PLCG2: variants seen among roughly 807,000 people sequenced by gnomAD.
PLCG2 encodes 1-phosphatidylinositol 4,5-bisphosphate phosphodiesterase gamma-2.
PLCG2 carries 69 observed loss-of-function variants against 175.6 expected under a neutral mutation model. The observed-to-expected ratio is 0.39, with a 90% CI of 0.32 to 0.48. PLCG2 has a LOEUF of 0.48. PLCG2 is among the 20% of genes least tolerant of loss of function. PLCG2 has a pLI of 0.91. For missense variants in PLCG2, 1,798 were observed against 1,650.9 expected (o/e 1.09, Z -1.54); for synonymous variants, 827 against 624.0 (o/e 1.33, Z -4.85).
rs982446432 is a variant in PLCG2 at position 81,962,424 on chromosome 16, T to C, written c.*4426T>C. 1.3e-4 allele frequency: 27 copies of C among 213,992 alleles called. No individual in the cohort carries two copies. The highest frequency in any genetic ancestry group is 6.1e-4 in the African/African-American group (27 of 44,356). 13.3% of individuals were successfully genotyped at this position (213,992 alleles called of 1,614,324 possible). A position where few individuals can be genotyped will look rare whatever the true frequency, so the allele number is the denominator to read the frequency against. The stretch of plus-strand genomic sequence containing the variant: ...TGTCCCTGGTTTTTAATTTTCAAAA[T>C]ATTTTCTTTTTGAAGAGCCAGATTC... On this transcript the variant is annotated 3_prime_UTR_variant, in exon 33 of 33. Transcript: ENST00000564138.
chr16:81,936,319 AC>A lies in PLCG2; in HGVS notation c.2997del (p.Phe1000SerfsTer24), dbSNP rs1910711141. 6.2e-7 allele frequency: 1 copy of A among 1,613,714 alleles called. No homozygotes were observed. The highest frequency in any genetic ancestry group is 1.3e-5 in the African/African-American group (1 of 74,778). On this transcript the variant is annotated frameshift_variant, in exon 27 of 33. Coordinates refer to ENST00000564138, the MANE Select transcript of PLCG2 (RefSeq NM_002661.5). LOFTEE classifies it high-confidence loss of function. ...CAAAGAGTTGACTCTTCAAACTACG[AC>A]CCCTTCCGCCTCTGGCTGTGCGGTT... ...KGQRVDSSNY[D>X]PFRLWLCGSQ...
intron 13 of PLCG2, among the ~76,000 whole-genome samples, chr16:81,898,922 C>T (rs1012951937): frequency 4.6e-5 from 7 of 152,132 alleles, no homozygotes; most frequent in Admixed American, 2.0e-4. Flanking sequence ...CAGTGGCTCA[C>T]GCCTGTAATC....
At chr16:81,923,424 C>T in intron 21 of PLCG2, 61 bp from the exon 22 acceptor site, 3 of 1,018,778 alleles carry the variant, frequency 2.9e-6, no homozygotes, top group Non-Finnish European at 1.5e-6. Flanking sequence ...CCTGGGAACG[C>T]AGCCGCCTCC....
rs1908893194 is a variant in PLCG2 at position 81,896,418 on chromosome 16, ACACACAC to A, written c.1193+492_1193+498del. On this transcript the variant is annotated intron_variant, in intron 13 of 32. Coordinates refer to ENST00000564138, the MANE Select transcript of PLCG2 (RefSeq NM_002661.5). ...CACACACACACACACACACACACAC[ACACACAC>A]AAATCATCTGGGTGTAGTGGCATGT... Among the ~76,000 whole-genome samples, 28 of 92,112 alleles carry A rather than the reference ACACACAC, an allele frequency of 3.0e-4. No individual in the cohort carries two copies. The South Asian group carries it at 7.3e-3, about 24-fold the overall frequency. 60.4% of individuals were successfully genotyped at this position (92,112 alleles called of 152,430 possible).
intron 1 of PLCG2, among the ~76,000 whole-genome samples, chr16:81,743,319 C>G (rs934325365): frequency 1.3e-5 from 2 of 152,162 alleles, no homozygotes; most frequent in African/African-American, 4.8e-5. Flanking sequence ...CCACGGCCTT[C>G]CAGTCTGGAT....
Position 81,896,041 on chromosome 16 carries a change from G to A in PLCG2, c.1193+114G>A, listed in dbSNP as rs1226383631. ...AGACACCTCCCTCCAAATGCGGGAA[G>A]GCCTGGGCCCCATCTTGGCCAAAGC... On this transcript the variant is annotated intron_variant, in intron 13 of 32. Coordinates refer to ENST00000564138, the MANE Select transcript of PLCG2 (RefSeq NM_002661.5). 3.8e-6 allele frequency: 5 copies of A among 1,328,932 alleles called. No homozygotes were observed. The East Asian group carries it at 9.3e-5, about 25-fold the overall frequency. The allele number at this position is 1,328,932 out of a possible 1,614,324, so 82.3% of individuals were successfully genotyped here.
chr16:81,889,208 C>A lies in PLCG2; in HGVS notation c.802C>A (p.Arg268=). Reference sequence around the variant, plus strand: ...TCAGGATCTGAACAAAGTCCGTGAGCGGATGACAAAGTTCATTGATGACAC... The same window carrying A: ...TCAGGATCTGAACAAAGTCCGTGAGAGGATGACAAAGTTCATTGATGACAC... ...WAQDLNKVRE[R]MTKFIDDTMR... is the part of the protein sequence containing the mutation. The change falls in exon 10 of 33, where the codon CGG becomes AGG. Residue 268 remains arginine (R), a synonymous_variant. Coordinates refer to ENST00000564138, the MANE Select transcript of PLCG2 (RefSeq NM_002661.5). 2 of 1,604,142 alleles carry A rather than the reference C, an allele frequency of 1.2e-6. No individual in the cohort carries two copies. The highest frequency in any genetic ancestry group is 1.7e-6 in the Non-Finnish European group (2 of 1,174,986).
intron 9 of PLCG2, chr16:81,883,693 G>T (rs533064364): frequency 6.3e-6 from 2 of 318,538 alleles, no homozygotes; most frequent in East Asian, 7.8e-5. Flanking sequence ...CATCATCTCA[G>T]GTGTCACTGC....
At chr16:81,819,653 C>T (rs1013614848) in intron 2 of PLCG2, among the ~76,000 whole-genome samples, 11 of 152,284 alleles carry the variant, frequency 7.2e-5, no homozygotes, top group Non-Finnish European at 7.4e-5. Flanking sequence ...GGCGCTATCT[C>T]GGCTCACTGC....
chr16:81,792,586 C>T (rs1911289413), intron 2 of PLCG2, among the ~76,000 whole-genome samples: 1 of 151,558 alleles, frequency 6.6e-6, no homozygotes, highest in Non-Finnish European at 1.5e-5. Flanking sequence ...TTAATTGACT[C>T]ACACACAATA....
intron 2 of PLCG2, among the ~76,000 whole-genome samples, chr16:81,763,926 C>G (rs1361835991): frequency 3.9e-5 from 6 of 151,974 alleles, no homozygotes; most frequent in Admixed American, 3.3e-4. Flanking sequence ...AAGATTTTGC[C>G]ACTGCACTCC....
At chr16:81,853,982 A>G (rs1020479325) in intron 2 of PLCG2, among the ~76,000 whole-genome samples, 23 of 152,056 alleles carry the variant, frequency 1.5e-4, no homozygotes, top group African/African-American at 5.6e-4. Context: ...TGAGCCACAG[A>G]GCATTTGTAG....
rs942822907 is a variant in PLCG2, at chr16:81,744,812, C to T, written c.-145+5427C>T. On this transcript the variant is annotated intron_variant, in intron 1 of 5. Transcript: ENST00000565054. ...AACTCCTGGACTCAAACAATTCTTC[C>T]GCCTCAGCCTCCCAAAGTGCTGGGA... Among the ~76,000 whole-genome samples, 11 of 151,822 alleles carry T rather than the reference C, an allele frequency of 7.2e-5. No homozygotes were observed. In the East Asian group the frequency reaches 7.8e-4, roughly 11 times the overall value.
chr16:81,805,419 A>G (rs1911953640), intron 2 of PLCG2, among the ~76,000 whole-genome samples: 1 of 151,388 alleles, frequency 6.6e-6, no homozygotes, highest in Non-Finnish European at 1.5e-5. Context: ...GAATGGCGTT[A>G]ACCCAGGAGG....
intron 10 of PLCG2, among the ~76,000 whole-genome samples, chr16:81,890,029 CAT>C (rs1235993730): frequency 6.6e-6 from 1 of 151,910 alleles, no homozygotes; most frequent in African/African-American, 2.4e-5. Context: ...GAGATGCAAT[CAT>C]ATGGTTGTGG....
At chr16:81,883,894 T>C (rs936574288) in intron 9 of PLCG2, among the ~76,000 whole-genome samples, 3 of 152,226 alleles carry the variant, frequency 2.0e-5, no homozygotes, top group African/African-American at 7.2e-5. Context: ...GCCTTGGTTT[T>C]CCACTGCTGT....
intron 13 of PLCG2, among the ~76,000 whole-genome samples, chr16:81,899,103 T>G (rs1034079501): frequency 2.0e-5 from 3 of 152,048 alleles, no homozygotes; most frequent in Non-Finnish European, 4.4e-5. Context: ...GCAGGAGAAT[T>G]GCTTGAACTT....
intron 18 of PLCG2, among the ~76,000 whole-genome samples, chr16:81,911,542 A>T (rs1357528094): frequency 6.6e-6 from 1 of 151,944 alleles, no homozygotes; most frequent in Non-Finnish European, 1.5e-5. Flanking sequence ...GGCTCAAGTG[A>T]TCCTCCCACC....
chr16:81,745,237 G>A lies in PLCG2; in HGVS notation c.-145+5852G>A, dbSNP rs115029210. On this transcript the variant is annotated intron_variant, in intron 1 of 5. Transcript: ENST00000565054. ...TGGCATTCCTAGCCTCCCTCCCACT[G>A]ATTGGCCGGGAAGGGCATATGACCT... is the stretch of plus-strand genomic sequence containing the variant. Among the ~76,000 whole-genome samples the A allele has an allele frequency of 4.0e-3, 603 of 152,258 alleles. 4 individuals carry two copies. The highest frequency in any genetic ancestry group is 0.014 in the African/African-American group (575 of 41,536).
Sources: gnomAD v4.1 joint callset for allele counts (sites outside exome capture counted in the v4.1 genomes callset) on GRCh38, gnomAD v4.1.1 for gene constraint, MANE v1.5 for transcripts, NCBI Gene and HGNC (gene_info 2026-07-23, HGNC 2026-07-21) for gene names.